MYT1L: variants seen among roughly 807,000 people sequenced by gnomAD.
MYT1L encodes myelin transcription factor 1 like, also known as myelin transcription factor 1-like protein.
A neutral mutation model predicts 126.7 loss-of-function variants in MYT1L; 12 were observed. That is an observed-to-expected ratio of 0.09 (90% CI 0.06 to 0.15). The LOEUF is 0.15. MYT1L is among the 10% of genes least tolerant of loss of function. The pLI, the probability that MYT1L is intolerant of heterozygous loss-of-function variation, is 1.00. For synonymous variants in MYT1L, 541 were observed against 604.2 expected, an observed-to-expected ratio of 0.90 and a Z score of 1.53; for missense variants, 979 against 1,585.2, an observed-to-expected ratio of 0.62 and a Z score of 6.49.
At position 2,271,798 on chromosome 2, in the gene MYT1L, T is replaced by A. The variant is rs571185660; in HGVS notation, c.-421+12606A>T. Among the ~76,000 whole-genome samples the A allele has an allele frequency of 3.9e-5, 6 of 152,302 alleles. No homozygotes were observed. The South Asian group carries it at 1.2e-3, about 32-fold the overall frequency. On this transcript the variant is annotated intron_variant, in intron 2 of 24. Coordinates refer to ENST00000647738, the MANE Select transcript of MYT1L (RefSeq NM_001303052.2). ...GCCAGCTCCCTGGACAAGGATGCCA[T>A]GCCCATGACCTCATTCCACCCCAAC...
chr2:2,322,593 TAA>T (rs1207082061), intron 1 of MYT1L, among the ~76,000 whole-genome samples: 2 of 133,906 alleles, frequency 1.5e-5, no homozygotes, highest in African/African-American at 2.7e-5. Context: ...ATTTTGACCC[TAA>T]AAAAAAAAAA....
rs139420656 is a variant in MYT1L, at chr2:1,972,670, T to C, written c.152+6495A>G. On this transcript the variant is annotated intron_variant, in intron 8 of 24. Transcript: ENST00000647738. ...CGTGCATACATCAGGAAGCAAGCCC[T>C]TGACTTTAGCTCCAGAACAGCCTCC... 6.3e-4 allele frequency among the ~76,000 whole-genome samples: 96 copies of C among 152,324 alleles called. 1 individual carries two copies. In the East Asian group the frequency reaches 0.017, roughly 28 times the overall value.
chr2:2,213,523 T>G (rs1004410776), intron 2 of MYT1L, among the ~76,000 whole-genome samples: 3 of 152,018 alleles, frequency 2.0e-5, no homozygotes, highest in Non-Finnish European at 4.4e-5. Context: ...GCAGGAGGAG[T>G]GTGCAGTGCT....
At chr2:2,130,340 A>C (rs1384905418) in intron 3 of MYT1L, among the ~76,000 whole-genome samples, 1 of 152,010 alleles carries the variant, frequency 6.6e-6, no homozygotes, top group African/African-American at 2.4e-5. Context: ...TGGTAACATA[A>C]CCAATTGCTA....
chr2:2,194,591 C>T (rs1310349215), intron 2 of MYT1L, among the ~76,000 whole-genome samples: 1 of 152,116 alleles, frequency 6.6e-6, no homozygotes, highest in East Asian at 1.9e-4. Context: ...AGTGGGGAGA[C>T]TTGTCCTGCT....
At chr2:2,027,962 T>C (rs181551851) in intron 4 of MYT1L, among the ~76,000 whole-genome samples, 92 of 152,350 alleles carry the variant, frequency 6.0e-4, no homozygotes, top group African/African-American at 2.2e-3. Flanking sequence ...TGTGTTATTA[T>C]TGTTTCTGCT....
chr2:2,269,716 G>T (rs1217130471), intron 2 of MYT1L, among the ~76,000 whole-genome samples: 1 of 152,104 alleles, frequency 6.6e-6, no homozygotes, highest in Non-Finnish European at 1.5e-5. Flanking sequence ...CTGGTATCAA[G>T]GCTCTCACGT....
intron 3 of MYT1L, among the ~76,000 whole-genome samples, chr2:2,075,692 T>C (rs754392876): frequency 6.6e-6 from 1 of 152,222 alleles, no homozygotes; most frequent in Admixed American, 6.5e-5. Context: ...ATGAATTACA[T>C]TGTTAAAAAT....
At position 2,084,885 on chromosome 2, in the gene MYT1L, A is replaced by C. The variant is rs146070702; in HGVS notation, c.-303-30762T>G. Among the ~76,000 whole-genome samples the C allele has an allele frequency of 2.4e-3, 367 of 152,320 alleles. 4 individuals are homozygous for C. Among genetic ancestry groups the C allele is most frequent in the African/African-American group, 8.6e-3 (357 of 41,582 alleles). On this transcript the variant is annotated intron_variant, in intron 3 of 24. Transcript: ENST00000647738. ...AACCTGGTGTAAACGTTGGAGGAGG[A>C]AACACTGGTTATTATCTGACAGATG... is the stretch of plus-strand genomic sequence containing the variant.
chr2:1,859,101 T>C (rs1232831512), intron 18 of MYT1L, among the ~76,000 whole-genome samples: 1 of 152,126 alleles, frequency 6.6e-6, no homozygotes, highest in Non-Finnish European at 1.5e-5. Context: ...GTCCCTGAGA[T>C]TCTTAGAGGG....
At chr2:2,163,813 G>C (rs1433699087) in intron 3 of MYT1L, among the ~76,000 whole-genome samples, 1 of 151,940 alleles carries the variant, frequency 6.6e-6, no homozygotes, top group Non-Finnish European at 1.5e-5. Flanking sequence ...CATAAGATCT[G>C]AATGGATTCT....
intron 18 of MYT1L, among the ~76,000 whole-genome samples, chr2:1,878,313 A>G (rs2047168714): frequency 6.6e-6 from 1 of 152,252 alleles, no homozygotes; most frequent in Non-Finnish European, 1.5e-5. Flanking sequence ...TTAAACAAAA[A>G]AAGATACCAG....
intron 3 of MYT1L, among the ~76,000 whole-genome samples, chr2:2,056,435 T>C (rs2069570819): frequency 6.6e-6 from 1 of 152,240 alleles, no homozygotes; most frequent in Non-Finnish European, 1.5e-5. Context: ...AAATGAACTA[T>C]AGGCTAAATG....
chr2:1,889,271 C>A lies in MYT1L; in HGVS notation c.2490G>T (p.Arg830Ser), dbSNP rs756686119. Residue 830 changes from arginine to serine, a missense_variant, in exon 16 of 25, where the codon AGG (arginine) becomes AGT (serine). Arg to Ser is a moderately radical substitution (Grantham distance 110, BLOSUM62 -1). Transcript: ENST00000647738. The surrounding 1 kb of genome is among the most constrained non-coding windows in gnomAD (Gnocchi z 4.1). ...TGTCTTTGGACTCGTCCTCGTCTAT[C>A]CTCCGGGGTTTCATTTTGGTGTAGT... ...PVDYTKMKPR[R>S]IDEDESKDIT... is the part of the protein sequence containing the mutation. 4 of 1,613,958 alleles carry A rather than the reference C, an allele frequency of 2.5e-6. No individual in the cohort carries two copies. Among genetic ancestry groups the A allele is most frequent in the Non-Finnish European group, 3.4e-6 (4 of 1,179,898 alleles).
intron 3 of MYT1L, among the ~76,000 whole-genome samples, chr2:2,057,946 G>T (rs1321690869): frequency 6.6e-6 from 1 of 152,080 alleles, no homozygotes; most frequent in Non-Finnish European, 1.5e-5. Context: ...CATCTCTCTG[G>T]GATTAATGCC....
At chr2:1,839,764 C>T (rs188250408) in intron 20 of MYT1L, among the ~76,000 whole-genome samples, 24 of 152,316 alleles carry the variant, frequency 1.6e-4, no homozygotes, top group African/African-American at 2.2e-4. Context: ...AATAAGATGT[C>T]GTGGCATTAT....
chr2:2,240,957 C>T (rs971178833), intron 2 of MYT1L, among the ~76,000 whole-genome samples: 1 of 152,072 alleles, frequency 6.6e-6, no homozygotes, highest in South Asian at 2.1e-4. Flanking sequence ...TGTGTCCCTG[C>T]GATTTGGGGT....
chr2:2,160,285 G>C (rs2087640472), intron 3 of MYT1L, among the ~76,000 whole-genome samples: 1 of 152,138 alleles, frequency 6.6e-6, no homozygotes, highest in South Asian at 2.1e-4. Flanking sequence ...CACATTTTTA[G>C]TGTTGGTATT....
intron 4 of MYT1L, among the ~76,000 whole-genome samples, chr2:2,001,001 TC>T (rs2062314167): frequency 6.6e-6 from 1 of 152,188 alleles, no homozygotes; most frequent in Non-Finnish European, 1.5e-5. Context: ...GGTCTTCTCT[TC>T]CTGTTGGTTT....
Sources: gnomAD v4.1 joint callset for allele counts (sites outside exome capture counted in the v4.1 genomes callset) on GRCh38, gnomAD v4.1.1 for gene constraint, Gnocchi (gnomAD v3.1) non-coding constraint, MANE v1.5 for transcripts, NCBI Gene and HGNC (gene_info 2026-07-23, HGNC 2026-07-21) for gene names.